RBMS3: variants seen among roughly 807,000 people sequenced by gnomAD.
RBMS3 encodes the protein RNA binding motif single stranded interacting protein 3.
A neutral mutation model predicts 66.8 loss-of-function variants in RBMS3; 27 were observed. The observed-to-expected ratio is 0.40, with a 90% CI of 0.30 to 0.56. RBMS3 has a LOEUF of 0.56. Among genes scored for constraint, RBMS3 ranks in the 20% least tolerant of loss-of-function variants. RBMS3 has a pLI of 0.40. For missense variants in RBMS3, 513 were observed against 549.5 expected (o/e 0.93, Z 0.66); for synonymous variants, 188 against 183.0 (o/e 1.03, Z -0.22).
chr3:29,404,983 A>G (rs1406120782), intron 1 of RBMS3, among the ~76,000 whole-genome samples: 2 of 152,156 alleles, frequency 1.3e-5, no homozygotes, highest in African/African-American at 4.8e-5. Flanking sequence ...GAATGGTAAT[A>G]AAACTAGGCA....
At chr3:29,721,927 A>C (rs1002602005) in intron 4 of RBMS3, among the ~76,000 whole-genome samples, 1 of 152,086 alleles carries the variant, frequency 6.6e-6, no homozygotes, top group African/African-American at 2.4e-5. Context: ...TTTAGTGGAG[A>C]CCATGAGCGA....
At chr3:29,612,369 A>T (rs763231504) in intron 4 of RBMS3, among the ~76,000 whole-genome samples, 1 of 152,040 alleles carries the variant, frequency 6.6e-6, no homozygotes, top group Non-Finnish European at 1.5e-5. Context: ...ACAGAATCTT[A>T]GTTTATAGAT....
At chr3:29,312,503 A>G (rs2034439088) in intron 1 of RBMS3, among the ~76,000 whole-genome samples, 1 of 151,728 alleles carries the variant, frequency 6.6e-6, no homozygotes, top group Non-Finnish European at 1.5e-5. Context: ...ATAGTGGTAG[A>G]ATTAGTAAGT....
chr3:29,821,690 C>T (rs1233850960), intron 6 of RBMS3, among the ~76,000 whole-genome samples: 1 of 152,118 alleles, frequency 6.6e-6, no homozygotes, highest in Non-Finnish European at 1.5e-5. Flanking sequence ...ACGAATAATT[C>T]CAGGAGATCT....
intron 4 of RBMS3, among the ~76,000 whole-genome samples, chr3:29,599,930 CAA>C (rs1020915871): frequency 2.0e-5 from 3 of 151,220 alleles, no homozygotes; most frequent in Non-Finnish European, 3.0e-5. Flanking sequence ...ATATAGTAAA[CAA>C]AAAAAGATGT....
At chr3:29,534,212 G>A (rs1012394278) in intron 3 of RBMS3, among the ~76,000 whole-genome samples, 3 of 152,314 alleles carry the variant, frequency 2.0e-5, no homozygotes, top group South Asian at 4.1e-4. Context: ...CAAAGGTCAC[G>A]TTGCAGCAAC....
chr3:29,911,890 A>C (rs1208751599), intron 10 of RBMS3, among the ~76,000 whole-genome samples: 1 of 152,074 alleles, frequency 6.6e-6, no homozygotes, highest in African/African-American at 2.4e-5. Flanking sequence ...TTTGGGAATA[A>C]TTTTCAGAGA....
chr3:29,608,774 G>A (rs1246449521), intron 4 of RBMS3, among the ~76,000 whole-genome samples: 2 of 151,996 alleles, frequency 1.3e-5, no homozygotes, highest in East Asian at 3.9e-4. Context: ...GAGAGGGCAA[G>A]AGATCCAAAT....
intron 6 of RBMS3, among the ~76,000 whole-genome samples, chr3:29,841,444 A>T (rs2058662216): frequency 6.6e-6 from 1 of 151,992 alleles, no homozygotes. Flanking sequence ...TTGTCAATTA[A>T]GTTTGTTCAG....
chr3:29,864,072 A>G (rs906935548), intron 6 of RBMS3, among the ~76,000 whole-genome samples: 1 of 152,210 alleles, frequency 6.6e-6, no homozygotes. Flanking sequence ...ATTTTCTGGA[A>G]CTTAGCTTTA....
At chr3:29,403,549 C>T (rs1200322107) in intron 1 of RBMS3, among the ~76,000 whole-genome samples, 3 of 151,864 alleles carry the variant, frequency 2.0e-5, no homozygotes, top group African/African-American at 7.3e-5. Flanking sequence ...AACTTTAGGC[C>T]CAATCATAAG....
intron 12 of RBMS3, among the ~76,000 whole-genome samples, chr3:29,944,890 C>G (rs892181088): frequency 6.6e-6 from 1 of 151,668 alleles, no homozygotes; most frequent in Non-Finnish European, 1.5e-5. Flanking sequence ...AGGGTTTTAA[C>G]TAGCAATATT....
chr3:29,998,407 A>G (rs1220242391), intron 14 of RBMS3, among the ~76,000 whole-genome samples: 2 of 142,852 alleles, frequency 1.4e-5, no homozygotes, highest in Non-Finnish European at 2.9e-5. Context: ...CAGAATTGGA[A>G]AAAACTACTT....
chr3:29,306,195 A>C (rs1447766931), intron 1 of RBMS3, among the ~76,000 whole-genome samples: 1 of 152,068 alleles, frequency 6.6e-6, no homozygotes, highest in South Asian at 2.1e-4. Context: ...TTGGAAAACT[A>C]ATCTCCCATT....
At chr3:29,473,599 G>A (rs1418344269) in intron 2 of RBMS3, among the ~76,000 whole-genome samples, 8 of 152,228 alleles carry the variant, frequency 5.3e-5, no homozygotes, top group Non-Finnish European at 8.8e-5. Context: ...AGCCCACGGA[G>A]GAGGGGAGGC....
Position 29,843,445 on chromosome 3 carries a change from G to C in RBMS3, c.638-25413G>C, listed in dbSNP as rs145353344. Among the ~76,000 whole-genome samples, 648 of 152,234 alleles carry C rather than the reference G, an allele frequency of 4.3e-3. 1 individual carries two copies. The highest frequency in any genetic ancestry group is 7.2e-3 in the Non-Finnish European group (492 of 68,016). On this transcript the variant is annotated intron_variant, in intron 6 of 14. Coordinates refer to ENST00000383767, the MANE Select transcript of RBMS3 (RefSeq NM_001003793.3). ...GTGATCTTAAAACATCGACACTATT[G>C]AACTGAATTCATAGGTATGTATTTA...
intron 4 of RBMS3, among the ~76,000 whole-genome samples, chr3:29,656,958 C>A (rs1257150854): frequency 6.6e-6 from 1 of 152,184 alleles, no homozygotes; most frequent in East Asian, 1.9e-4. Context: ...CATCCTATGG[C>A]TCCATCATCC....
At chr3:29,527,421 C>T (rs78942026) in intron 3 of RBMS3, among the ~76,000 whole-genome samples, 11,719 of 152,086 alleles carry the variant, frequency 0.077, 537 homozygotes, top group South Asian at 0.12. Context: ...AATCAGGAAG[C>T]AGTTGGCCGG....
chr3:29,858,099 A>T (rs1223785164), intron 6 of RBMS3, among the ~76,000 whole-genome samples: 1 of 152,190 alleles, frequency 6.6e-6, no homozygotes, highest in African/African-American at 2.4e-5. Context: ...ATAGTTATGC[A>T]TTTTTGAAAG....
Sources: allele counts gnomAD v4.1 joint callset (sites outside exome capture counted in the v4.1 genomes callset), GRCh38; gene constraint gnomAD v4.1.1; transcripts MANE v1.5; gene names NCBI Gene and HGNC (gene_info 2026-07-23, HGNC 2026-07-21).